The following FRMPD2 variants were observed in gnomAD, a reference collection of about 807,000 sequenced individuals.
The protein encoded by FRMPD2 is FERM and PDZ domain-containing protein 2.
Under a neutral mutation model 140.1 loss-of-function variants are expected in FRMPD2, and 96 were observed. The ratio of observed to expected loss-of-function variants is 0.69; its 90% CI spans 0.58 to 0.81. The LOEUF is 0.81. Among genes scored for constraint, FRMPD2 ranks in the 40% least tolerant of loss-of-function variants. FRMPD2 has a pLI of 0.00. For missense variants in FRMPD2, 1,240 were observed against 1,447.4 expected (o/e 0.86, Z 2.32); for synonymous variants, 449 against 547.6 (o/e 0.82, Z 2.52).
chr10:48,187,171 T>C, intron 17 of FRMPD2, 21 bp downstream of exon 17: 1 of 1,582,076 alleles, frequency 6.3e-7, no homozygotes, highest in Non-Finnish European at 8.7e-7. Context: ...ACCCAAGACC[T>C]GGTCGTGGCC....
chr10:48,183,228 G>A (rs1042938030), intron 20 of FRMPD2, among the ~76,000 whole-genome samples: 1 of 152,166 alleles, frequency 6.6e-6, no homozygotes, highest in South Asian at 2.1e-4. Flanking sequence ...AGGGAAAACT[G>A]TACAACACCC....
At chr10:48,222,999 A>C in intron 11 of FRMPD2, 124 bp downstream of exon 11, 1 of 879,064 alleles carries the variant, frequency 1.1e-6, no homozygotes, top group Non-Finnish European at 1.7e-6. Flanking sequence ...AACCAACCAC[A>C]ATAGCTATTG....
At chr10:48,266,401 C>T (rs2131987227) in intron 1 of FRMPD2, among the ~76,000 whole-genome samples, 1 of 152,210 alleles carries the variant, frequency 6.6e-6, no homozygotes, top group East Asian at 1.9e-4. Flanking sequence ...AAAATAAAAA[C>T]TTCTAATATG....
At chr10:48,201,168 A>C (rs1278431441) in intron 15 of FRMPD2, 60 bp downstream of exon 15, 2 of 1,351,832 alleles carry the variant, frequency 1.5e-6, no homozygotes, top group Admixed American at 2.5e-5. Flanking sequence ...ATTTATACAA[A>C]TTATTTTATG....
In FRMPD2 at chr10:48,156,737, G is replaced by C; in HGVS notation, c.*585C>G. On this transcript the variant is annotated 3_prime_UTR_variant, in exon 29 of 29. Transcript: ENST00000374201. ...AAGCAGGGCAATGACCCAGTTCTAA[G>C]ACAGACTCGTCACATGGCAAGCAGA... The C allele has an allele frequency of 5.6e-6, 1 of 179,838 alleles. No homozygotes were observed. The highest frequency in any genetic ancestry group is 1.2e-5 in the Non-Finnish European group (1 of 85,906). The allele number at this position is 179,838 out of a possible 1,614,324, so 11.1% of individuals were successfully genotyped here. A position where few individuals can be genotyped will look rare whatever the true frequency, so the allele number is the denominator to read the frequency against.
rs753928263 is a variant in FRMPD2 at position 48,184,791 on chromosome 10, G to A, written c.2450C>T (p.Ala817Val). 20 of 1,612,568 alleles carry A rather than the reference G, an allele frequency of 1.2e-5. No homozygotes were observed. The South Asian group carries it at 1.5e-4, about 12-fold the overall frequency. The change falls in exon 19 of 29, where the codon GCA becomes GTA. Residue 817 changes from alanine to valine, a missense_variant. By Grantham distance (64) the Ala-to-Val change is moderately conservative. This residue lies in a region of FRMPD2 where 1,161 missense variants were observed against 1,055.9 expected (regional missense o/e 1.10). Coordinates refer to ENST00000374201, the MANE Select transcript of FRMPD2 (RefSeq NM_001018071.4). ...SIIPGGPAEK[A>V]KTIKPGGQIL... is the part of the protein sequence containing the mutation. ...AGATGTACCTGGTTTGATCGTTTTT[G>A]CTTTTTCTGCTGGTCCTCCAGGTAT...
chr10:48,267,758 T>G (rs1840703107), intron 1 of FRMPD2, among the ~76,000 whole-genome samples: 1 of 152,190 alleles, frequency 6.6e-6, no homozygotes, highest in Admixed American at 6.5e-5. Context: ...GATCAAGGGA[T>G]GAATGGATAA....
chr10:48,248,970 C>T (rs563417413), intron 3 of FRMPD2, 51 bp downstream of exon 3: 1 of 1,513,792 alleles, frequency 6.6e-7, no homozygotes. Flanking sequence ...CTGGGACAGG[C>T]CTTTCCCAGG....
intron 1 of FRMPD2, among the ~76,000 whole-genome samples, chr10:48,253,020 C>T (rs1379116307): frequency 6.6e-6 from 1 of 152,016 alleles, no homozygotes; most frequent in Non-Finnish European, 1.5e-5. Flanking sequence ...TGAAAGGTTG[C>T]TTATTAAAGA....
Position 48,176,057 on chromosome 10 carries a change from G to A in FRMPD2, c.2896-118C>T, listed in dbSNP as rs1412152856. 59 of 647,980 alleles carry A rather than the reference G, an allele frequency of 9.1e-5. No individual in the cohort carries two copies. The East Asian group carries it at 1.3e-3, about 15-fold the overall frequency. 40.1% of individuals were successfully genotyped at this position (647,980 alleles called of 1,614,324 possible). ...CACTCTATCCCATGACCTTACCTCC[G>A]ACTGGCACTGTCTTCTGTATTCACC... On this transcript the variant is annotated intron_variant, in intron 22 of 28. Coordinates refer to ENST00000374201, the MANE Select transcript of FRMPD2 (RefSeq NM_001018071.4).
At chr10:48,242,040 G>A in intron 5 of FRMPD2, 121 bp downstream of exon 5, 1 of 698,458 alleles carries the variant, frequency 1.4e-6, no homozygotes, top group East Asian at 2.9e-5. Context: ...AAATGTGACA[G>A]ATGTGACTGA....
chr10:48,263,858 A>G (rs1840637232), intron 1 of FRMPD2, among the ~76,000 whole-genome samples: 1 of 152,154 alleles, frequency 6.6e-6, no homozygotes. Context: ...GTAAAACTAC[A>G]GATCAATAGT....
At position 48,274,680 on chromosome 10, in the gene FRMPD2, C is replaced by T. The variant is rs551378478; in HGVS notation, c.-113G>A. 16 of 974,048 alleles carry T rather than the reference C, an allele frequency of 1.6e-5. No individual in the cohort carries two copies. The highest frequency in any genetic ancestry group is 6.5e-5 in the African/African-American group (4 of 61,880). The allele number at this position is 974,048 out of a possible 1,614,324, so 60.3% of individuals were successfully genotyped here. On this transcript the variant is annotated 5_prime_UTR_variant, in exon 1 of 29. Coordinates refer to ENST00000374201, the MANE Select transcript of FRMPD2 (RefSeq NM_001018071.4). ...AGCTCCCTGCCACCAGCACTGTTGC[C>T]GCTGTCTTTGTTTACTGCTTGTCAC...
intron 1 of FRMPD2, among the ~76,000 whole-genome samples, chr10:48,261,403 A>T (rs1840587918): frequency 6.6e-6 from 1 of 152,148 alleles, no homozygotes; most frequent in African/African-American, 2.4e-5. Flanking sequence ...AAAGTGAGAG[A>T]GAGAGAAATG....
rs555394402 is a variant in FRMPD2 at position 48,274,546 on chromosome 10, C to A, written c.22G>T (p.Ala8Ser). Residue 8 changes from alanine to serine, a missense_variant, in exon 1 of 29, where the codon GCA becomes TCA. This residue lies in a region of FRMPD2 where 1,161 missense variants were observed against 1,055.9 expected (regional missense o/e 1.10). Transcript: ENST00000374201. ...ACTGAATGATGCCAAGGAATACCTG[C>A]GTCCTTCGTTAAAGGCTGCATCCAA... MQPLTKD[A>S]GMSLSSVTLA... is the part of the protein sequence containing the mutation. 1.2e-6 allele frequency: 2 copies of A among 1,614,068 alleles called. No individual in the cohort carries two copies. Among genetic ancestry groups the A allele is most frequent in the Non-Finnish European group, 1.7e-6 (2 of 1,179,900 alleles).
At position 48,194,018 on chromosome 10, in the gene FRMPD2, G is replaced by A. The variant is rs191199908; in HGVS notation, c.1955-1124C>T. Among the ~76,000 whole-genome samples, 29 of 152,300 alleles carry A rather than the reference G, an allele frequency of 1.9e-4. No homozygotes were observed. In the South Asian group the frequency reaches 4.4e-3, roughly 23 times the overall value. On this transcript the variant is annotated intron_variant, in intron 15 of 28. Transcript: ENST00000374201. ...GAAGGAATATAAGTAAATTAAATGTGACCTGCAGCTTTTGCACAAATTGCA... is the reference window on the plus strand; with the variant it reads ...GAAGGAATATAAGTAAATTAAATGTAACCTGCAGCTTTTGCACAAATTGCA...
At chr10:48,198,677 T>A (rs114114321) in intron 15 of FRMPD2, among the ~76,000 whole-genome samples, 1,724 of 152,326 alleles carry the variant, frequency 0.011, 25 homozygotes, top group African/African-American at 0.037. Flanking sequence ...GCAATATGGT[T>A]ATTTTTACAA....
At chr10:48,221,105 AAAG>A (rs2087349206) in intron 12 of FRMPD2, among the ~76,000 whole-genome samples, 1 of 152,198 alleles carries the variant, frequency 6.6e-6, no homozygotes, top group Non-Finnish European at 1.5e-5. Flanking sequence ...ACCCAGAGGA[AAAG>A]AAGTTATTAT....
intron 1 of FRMPD2, among the ~76,000 whole-genome samples, chr10:48,259,631 T>C (rs2131979462): frequency 1.4e-5 from 2 of 138,468 alleles, no homozygotes; most frequent in African/African-American, 6.7e-5. Flanking sequence ...AATGTGTGTG[T>C]GTAAGTGTGT....
Sources: allele counts gnomAD v4.1 joint callset (sites outside exome capture counted in the v4.1 genomes callset), GRCh38; gene constraint gnomAD v4.1.1; regional missense constraint gnomAD v4.1.1; transcripts MANE v1.5; gene names NCBI Gene and HGNC (gene_info 2026-07-23, HGNC 2026-07-21).